The following RBFOX1 variants were observed in gnomAD, a reference collection of about 807,000 sequenced individuals.
RBFOX1 encodes the protein RNA binding fox-1 homolog 1.
Under a neutral mutation model 57.7 loss-of-function variants are expected in RBFOX1, and 8 were observed. The observed-to-expected ratio is 0.14, with a 90% CI of 0.08 to 0.25. The LOEUF (loss-of-function observed/expected upper bound fraction) is 0.25, where lower values mean the gene tolerates loss of function less well. RBFOX1 is among the 10% of genes least tolerant of loss of function. The probability of loss-of-function intolerance (pLI) is 1.00; values close to 1 mark genes in which losing one functional copy is unlikely to be tolerated. For synonymous variants in RBFOX1, 326 were observed against 222.4 expected (o/e 1.47, Z -4.15); for missense variants, 611 against 548.5 (o/e 1.11, Z -1.14).
At chr16:6,774,613 A>C (rs927092390) in intron 3 of RBFOX1, among the ~76,000 whole-genome samples, 1 of 152,192 alleles carries the variant, frequency 6.6e-6, no homozygotes, top group Non-Finnish European at 1.5e-5. Flanking sequence ...ATATAGAGTC[A>C]TCTATAGGAA....
intron 11 of RBFOX1, among the ~76,000 whole-genome samples, chr16:7,632,101 G>T (rs2061061233): frequency 6.6e-6 from 1 of 152,088 alleles, no homozygotes; most frequent in Non-Finnish European, 1.5e-5. Context: ...CAGAGATGAG[G>T]TTTCCCCATC....
At chr16:5,724,739 T>G (rs1301835502) in intron 3 of RBFOX1, among the ~76,000 whole-genome samples, 1 of 152,126 alleles carries the variant, frequency 6.6e-6, no homozygotes, top group Non-Finnish European at 1.5e-5. Context: ...CCCAACAAGT[T>G]CTGAGTACCT....
intron 2 of RBFOX1, among the ~76,000 whole-genome samples, chr16:6,640,672 T>C (rs957986275): frequency 1.6e-4 from 25 of 152,110 alleles, no homozygotes; most frequent in African/African-American, 6.0e-4. Flanking sequence ...AGTAGGTACA[T>C]TGGGGTATAT....
chr16:6,196,300 C>T (rs992723558), intron 1 of RBFOX1, among the ~76,000 whole-genome samples: 1 of 152,182 alleles, frequency 6.6e-6, no homozygotes, highest in Non-Finnish European at 1.5e-5. Context: ...GTGCAGGTCT[C>T]TGCATCTGTC....
chr16:5,864,288 C>T (rs9302811), intron 3 of RBFOX1, among the ~76,000 whole-genome samples: 399 of 152,272 alleles, frequency 2.6e-3, no homozygotes, highest in African/African-American at 9.1e-3. Flanking sequence ...TAAAGTGGTA[C>T]GAAGCTTTAT....
chr16:7,152,878 C>G (rs931710068), intron 4 of RBFOX1, among the ~76,000 whole-genome samples: 1 of 152,096 alleles, frequency 6.6e-6, no homozygotes, highest in Non-Finnish European at 1.5e-5. Flanking sequence ...ATTTGCAAGA[C>G]TCAAGTGGAC....
chr16:7,082,694 ATAAAGTT>A (rs2059390378), intron 4 of RBFOX1, among the ~76,000 whole-genome samples: 2 of 152,192 alleles, frequency 1.3e-5, no homozygotes, highest in African/African-American at 4.8e-5. Context: ...ACTTTCTTTC[ATAAAGTT>A]TAAAGTTGTA....
chr16:6,327,472 A>G (rs1302614339), intron 2 of RBFOX1, among the ~76,000 whole-genome samples: 1 of 151,852 alleles, frequency 6.6e-6, no homozygotes, highest in Non-Finnish European at 1.5e-5. Context: ...TTTCTAACCC[A>G]TTTTTTAATG....
chr16:6,643,459 A>G (rs765238129), intron 2 of RBFOX1, among the ~76,000 whole-genome samples: 51 of 151,998 alleles, frequency 3.4e-4, no homozygotes, highest in South Asian at 2.1e-4. Flanking sequence ...CGGTTGGAGG[A>G]TTAAGTGAAC....
intron 4 of RBFOX1, among the ~76,000 whole-genome samples, chr16:5,900,241 G>A (rs2058274059): frequency 6.6e-6 from 1 of 152,138 alleles, no homozygotes. Flanking sequence ...CTTTGTCATT[G>A]TGGCATACTG....
At chr16:7,039,428 T>G (rs2045494218) in intron 3 of RBFOX1, among the ~76,000 whole-genome samples, 2 of 152,190 alleles carry the variant, frequency 1.3e-5, no homozygotes, top group East Asian at 1.9e-4. Context: ...AGCTATTTTC[T>G]CAAGTGTATT....
At chr16:5,860,221 T>A (rs1418482630) in intron 3 of RBFOX1, among the ~76,000 whole-genome samples, 1 of 152,168 alleles carries the variant, frequency 6.6e-6, no homozygotes, top group Non-Finnish European at 1.5e-5. Context: ...TAGCTGGGAT[T>A]ACAGACGCAT....
At chr16:6,716,982 C>G (rs941445511) in intron 3 of RBFOX1, among the ~76,000 whole-genome samples, 2 of 152,078 alleles carry the variant, frequency 1.3e-5, no homozygotes, top group Admixed American at 1.3e-4. Flanking sequence ...GATTAGTGCC[C>G]TTATAAGAAG....
intron 2 of RBFOX1, among the ~76,000 whole-genome samples, chr16:5,521,786 G>C (rs568361546): frequency 6.6e-6 from 1 of 152,314 alleles, no homozygotes; most frequent in South Asian, 2.1e-4. Flanking sequence ...AAACTGCACT[G>C]CAATGCTATT....
At chr16:7,336,935 A>G (rs2096799067) in intron 4 of RBFOX1, among the ~76,000 whole-genome samples, 1 of 152,152 alleles carries the variant, frequency 6.6e-6, no homozygotes, top group South Asian at 2.1e-4. Context: ...TGCTGTAGGA[A>G]TATTTATGTG....
intron 6 of RBFOX1, among the ~76,000 whole-genome samples, chr16:7,586,658 T>G (rs1161012426): frequency 6.6e-6 from 1 of 152,252 alleles, no homozygotes; most frequent in Non-Finnish European, 1.5e-5. Context: ...AAAATCTATT[T>G]GTTTAACAAT....
chr16:7,587,966 G>C (rs977059058), intron 7 of RBFOX1, among the ~76,000 whole-genome samples: 1 of 152,170 alleles, frequency 6.6e-6, no homozygotes. Context: ...ATCACCTGAG[G>C]TCAGGAGCTC....
At chr16:5,753,641 A>G (rs2151625833) in intron 3 of RBFOX1, among the ~76,000 whole-genome samples, 1 of 152,318 alleles carries the variant, frequency 6.6e-6, no homozygotes, top group East Asian at 1.9e-4. Flanking sequence ...ATTGGCAGCT[A>G]GAAATTGGCC....
At chr16:6,933,049 C>T (rs1409161575) in intron 3 of RBFOX1, among the ~76,000 whole-genome samples, 1 of 152,204 alleles carries the variant, frequency 6.6e-6, no homozygotes, top group African/African-American at 2.4e-5. Flanking sequence ...TAAGGTTCAT[C>T]TGTGTCATCA....
Sources: allele counts gnomAD v4.1 joint callset (sites outside exome capture counted in the v4.1 genomes callset), GRCh38; gene constraint gnomAD v4.1.1; transcripts MANE v1.5; gene names NCBI Gene and HGNC (gene_info 2026-07-23, HGNC 2026-07-21).